DLG2: variants seen among roughly 807,000 people sequenced by gnomAD.
DLG2 encodes discs large MAGUK scaffold protein 2.
DLG2 carries 45 observed loss-of-function variants against 132.5 expected under a neutral mutation model. The observed-to-expected ratio is 0.34, with a 90% CI of 0.27 to 0.44. The LOEUF is 0.44. Ranked by LOEUF, DLG2 falls within the 20% of genes least tolerant of loss-of-function variation. DLG2 has a pLI of 1.00. For synonymous variants in DLG2, 424 were observed against 419.6 expected (o/e 1.01, Z -0.13); for missense variants, 1,045 against 1,196.9 (o/e 0.87, Z 1.87).
chr11:83,474,298 T>A (rs896358071), intron 22 of DLG2, among the ~76,000 whole-genome samples: 1 of 152,128 alleles, frequency 6.6e-6, no homozygotes. Context: ...TGAAGGTGAT[T>A]GATTACTAAC....
At chr11:85,243,959 GTTA>G (rs2076015496) in intron 4 of DLG2, among the ~76,000 whole-genome samples, 2 of 151,870 alleles carry the variant, frequency 1.3e-5, no homozygotes, top group Non-Finnish European at 2.9e-5. Context: ...TGAAAATAAA[GTTA>G]TTATCATCTC....
At position 85,307,213 on chromosome 11, in the gene DLG2, AAAC is replaced by A. The variant is rs1397563125; in HGVS notation, c.41-21851_41-21849del. On this transcript the variant is annotated intron_variant, in intron 3 of 27. Coordinates refer to ENST00000376104, the MANE Select transcript of DLG2 (RefSeq NM_001142699.3). ...GAATGCCTGTGACTGCAATCTGTCA[AAAC>A]AACACCACCAAAAATGGAACGGAAG... Among the ~76,000 whole-genome samples the A allele has an allele frequency of 5.3e-5, 8 of 152,236 alleles. 1 individual carries two copies. The highest frequency in any genetic ancestry group is 3.3e-4 in the Admixed American group (5 of 15,288).
At chr11:84,084,958 T>C (rs1464894196) in intron 10 of DLG2, among the ~76,000 whole-genome samples, 1 of 152,196 alleles carries the variant, frequency 6.6e-6, no homozygotes, top group African/African-American at 2.4e-5. Flanking sequence ...ATTGAGCTTA[T>C]TTTTATAGTG....
chr11:84,659,276 T>C (rs1595082187), intron 6 of DLG2, among the ~76,000 whole-genome samples: 1 of 152,266 alleles, frequency 6.6e-6, no homozygotes, highest in African/African-American at 2.4e-5. Flanking sequence ...TTTGAAGTCC[T>C]GTCTGTCCCT....
Position 84,130,655 on chromosome 11 carries a change from T to C in DLG2, c.625-31608A>G, listed in dbSNP as rs559699708. ...CAGCTACTAAGGTAAAATAATCATG[T>C]ATTACTGCTTCTTTAGTACTCTATT... On this transcript the variant is annotated intron_variant, in intron 9 of 27. Transcript: ENST00000376104. Among the ~76,000 whole-genome samples, 3 of 151,976 alleles carry C rather than the reference T, an allele frequency of 2.0e-5. No individual in the cohort carries two copies. The South Asian group carries it at 6.2e-4, about 32-fold the overall frequency.
intron 15 of DLG2, among the ~76,000 whole-genome samples, chr11:83,892,083 C>T (rs972537791): frequency 6.6e-6 from 1 of 152,134 alleles, no homozygotes; most frequent in African/African-American, 2.4e-5. Flanking sequence ...TATTTATACT[C>T]CAAAGGTAAG....
chr11:84,121,338 T>C (rs991524963), intron 9 of DLG2, among the ~76,000 whole-genome samples: 2 of 152,180 alleles, frequency 1.3e-5, no homozygotes, highest in African/African-American at 4.8e-5. Flanking sequence ...TTATCTGGTA[T>C]ATAGCAGGTA....
intron 3 of DLG2, among the ~76,000 whole-genome samples, chr11:85,523,969 A>G (rs550724413): frequency 2.4e-4 from 37 of 152,334 alleles, no homozygotes; most frequent in Non-Finnish European, 5.0e-4. Context: ...CGTAAAGTTA[A>G]ATAAGCCAGG....
intron 9 of DLG2, among the ~76,000 whole-genome samples, chr11:84,142,578 G>C (rs1424870811): frequency 6.6e-6 from 1 of 152,098 alleles, no homozygotes; most frequent in Admixed American, 6.6e-5. Context: ...ATTAGCATTT[G>C]AATCAGTAGG....
At chr11:84,890,431 G>T (rs1043015240) in intron 6 of DLG2, among the ~76,000 whole-genome samples, 1 of 152,106 alleles carries the variant, frequency 6.6e-6, no homozygotes, top group Non-Finnish European at 1.5e-5. Context: ...AGAATTGGGA[G>T]CTGCCATTTT....
chr11:84,277,669 AT>A (rs1331173796), intron 7 of DLG2, among the ~76,000 whole-genome samples: 6 of 152,202 alleles, frequency 3.9e-5, no homozygotes, highest in African/African-American at 1.4e-4. Flanking sequence ...GAGAAAAAAA[AT>A]ATAGCAAATT....
At chr11:85,611,550 G>A (rs1170740482) in intron 2 of DLG2, among the ~76,000 whole-genome samples, 1 of 152,236 alleles carries the variant, frequency 6.6e-6, no homozygotes, top group African/African-American at 2.4e-5. Context: ...ACTACGGGCA[G>A]GTTATGCCAT....
intron 6 of DLG2, among the ~76,000 whole-genome samples, chr11:84,893,310 C>T (rs981871713): frequency 6.6e-6 from 1 of 152,112 alleles, no homozygotes; most frequent in African/African-American, 2.4e-5. Context: ...GTTTCTAGAC[C>T]CTAGATATGT....
At chr11:85,237,604 C>T (rs1355669982) in intron 4 of DLG2, among the ~76,000 whole-genome samples, 1 of 151,966 alleles carries the variant, frequency 6.6e-6, no homozygotes, top group African/African-American at 2.4e-5. Context: ...CAAGGGGACC[C>T]CTGAAAAACT....
At chr11:84,588,665 GA>G (rs1371409968) in intron 6 of DLG2, among the ~76,000 whole-genome samples, 19 of 151,586 alleles carry the variant, frequency 1.3e-4, no homozygotes, top group Admixed American at 1.3e-3. Context: ...CACAGGATAA[GA>G]TAGGAGGTTG....
At chr11:83,527,481 C>A (rs2095635905) in intron 21 of DLG2, among the ~76,000 whole-genome samples, 1 of 152,050 alleles carries the variant, frequency 6.6e-6, no homozygotes, top group Admixed American at 6.6e-5. Flanking sequence ...GAGGCCAAGG[C>A]AGGAGGATTC....
chr11:84,093,378 T>C (rs2097124052), intron 10 of DLG2, among the ~76,000 whole-genome samples: 1 of 152,154 alleles, frequency 6.6e-6, no homozygotes, highest in Non-Finnish European at 1.5e-5. Context: ...TCACATGGCC[T>C]CCTTCATTTT....
chr11:85,121,208 A>C lies in DLG2; in HGVS notation c.283-9473T>G, dbSNP rs1215814087. ...AGTTTGTATCCTGAAAGTTGAGTAA[A>C]ACATAATGTATTCCACTTAAAAAAA... On this transcript the variant is annotated intron_variant, in intron 5 of 27. Transcript: ENST00000376104. Among the ~76,000 whole-genome samples, 4 of 152,142 alleles carry C rather than the reference A, an allele frequency of 2.6e-5. No individual in the cohort carries two copies. The East Asian group carries it at 7.7e-4, about 29-fold the overall frequency.
At chr11:84,889,439 G>A (rs762968603) in intron 6 of DLG2, among the ~76,000 whole-genome samples, 1 of 152,128 alleles carries the variant, frequency 6.6e-6, no homozygotes, top group Non-Finnish European at 1.5e-5. Context: ...AGAGTGGGAA[G>A]CTTTAGCGGT....
Sources: gnomAD v4.1 joint callset for allele counts (sites outside exome capture counted in the v4.1 genomes callset) on GRCh38, gnomAD v4.1.1 for gene constraint, MANE v1.5 for transcripts, NCBI Gene and HGNC (gene_info 2026-07-23, HGNC 2026-07-21) for gene names.